Variants in SLC35D2 observed in about 807,000 individuals in gnomAD.
SLC35D2 encodes the protein solute carrier family 35 member D2.
Under a neutral mutation model 41.8 loss-of-function variants are expected in SLC35D2, and 43 were observed. That is an observed-to-expected ratio of 1.03 (90% CI 0.81 to 1.33). The LOEUF is 1.33. SLC35D2 is among the 40% of genes most tolerant of loss of function. The pLI, the probability that SLC35D2 is intolerant of heterozygous loss-of-function variation, is 0.00. For synonymous variants in SLC35D2, 150 were observed against 163.9 expected (o/e 0.92, Z 0.65); for missense variants, 380 against 408.4 (o/e 0.93, Z 0.60).
chr9:96,359,701 C>A (rs1419067803), intron 4 of SLC35D2, among the ~76,000 whole-genome samples: 4 of 151,656 alleles, frequency 2.6e-5, no homozygotes, highest in African/African-American at 7.3e-5. Context: ...AAAAAAAAGA[C>A]CCTGAAATAA....
intron 6 of SLC35D2, among the ~76,000 whole-genome samples, chr9:96,347,120 ACT>A (rs1829616023): frequency 1.3e-5 from 2 of 152,294 alleles, no homozygotes; most frequent in South Asian, 4.2e-4. Flanking sequence ...CAAGAGCGAA[ACT>A]CTGTCTCAAA....
intron 6 of SLC35D2, among the ~76,000 whole-genome samples, chr9:96,347,458 C>A (rs1039226649): frequency 6.6e-6 from 1 of 152,224 alleles, no homozygotes; most frequent in Non-Finnish European, 1.5e-5. Flanking sequence ...ATTCATGTAA[C>A]CCTTGCAGTT....
chr9:96,347,661 C>T (rs1325532650), intron 6 of SLC35D2, among the ~76,000 whole-genome samples: 2 of 151,960 alleles, frequency 1.3e-5, no homozygotes, highest in African/African-American at 2.4e-5. Context: ...TTGTCAGAGG[C>T]GTGTGAACCC....
intron 9 of SLC35D2, among the ~76,000 whole-genome samples, chr9:96,334,649 T>A (rs925217924): frequency 4.7e-4 from 71 of 151,196 alleles, no homozygotes; most frequent in African/African-American, 1.2e-3. Flanking sequence ...AAAAAAAAAA[T>A]TTTTTTTAAG....
At chr9:96,350,286 C>A (rs1010475067) in intron 6 of SLC35D2, among the ~76,000 whole-genome samples, 3 of 151,326 alleles carry the variant, frequency 2.0e-5, no homozygotes, top group African/African-American at 7.3e-5. Context: ...TCCTCTTTCC[C>A]CAGCCTCCTG....
At chr9:96,340,101 T>C (rs1282016685) in intron 8 of SLC35D2, among the ~76,000 whole-genome samples, 1 of 152,188 alleles carries the variant, frequency 6.6e-6, no homozygotes, top group Non-Finnish European at 1.5e-5. Flanking sequence ...TTCATTTCTT[T>C]CTCCTATTTG....
intron 6 of SLC35D2, among the ~76,000 whole-genome samples, chr9:96,349,745 C>G (rs1829733559): frequency 1.3e-5 from 2 of 152,140 alleles, no homozygotes; most frequent in African/African-American, 4.8e-5. Flanking sequence ...AGGCTGGTCT[C>G]TAACTCCTGA....
chr9:96,352,116 G>C lies in SLC35D2; in HGVS notation c.348-7C>G, dbSNP rs777698244. On this transcript the variant is annotated splice_polypyrimidine_tract_variant and splice_region_variant and intron_variant, in intron 4 of 11. Transcript: ENST00000253270. Reference sequence around the variant, plus strand: ...CACGGTGAACATCGGTAGGCTGCCAGGAAAAGAGTGAAGCATGTCAGACAC... The same window carrying C: ...CACGGTGAACATCGGTAGGCTGCCACGAAAAGAGTGAAGCATGTCAGACAC... The C allele has an allele frequency of 6.2e-7, 1 of 1,605,684 alleles. No individual in the cohort carries two copies. Among genetic ancestry groups the C allele is most frequent in the Non-Finnish European group, 8.5e-7 (1 of 1,173,754 alleles).
intron 9 of SLC35D2, among the ~76,000 whole-genome samples, chr9:96,330,186 C>T (rs1407773885): frequency 2.0e-5 from 3 of 152,222 alleles, no homozygotes; most frequent in Admixed American, 1.3e-4. Context: ...GGGATGGATT[C>T]GCCTCTGTAT....
intron 8 of SLC35D2, among the ~76,000 whole-genome samples, chr9:96,342,257 C>T (rs1182882580): frequency 6.6e-6 from 1 of 151,996 alleles, no homozygotes; most frequent in East Asian, 1.9e-4. Flanking sequence ...ATTACAGGCA[C>T]CCGCCACCAT....
intron 1 of SLC35D2, among the ~76,000 whole-genome samples, chr9:96,372,710 G>C (rs1211820563): frequency 2.7e-5 from 4 of 149,676 alleles, no homozygotes; most frequent in South Asian, 2.1e-4. Flanking sequence ...TCAGCCTCCG[G>C]AGTAGCTGGG....
chr9:96,337,959 T>C (rs7852321), intron 8 of SLC35D2, among the ~76,000 whole-genome samples: 50,205 of 107,894 alleles, frequency 0.47, 9,604 homozygotes, highest in African/African-American at 0.59. Flanking sequence ...TCAGCCTGGG[T>C]AACAAAAGCA....
chr9:96,383,241 G>A (rs1285878070), intron 1 of SLC35D2, among the ~76,000 whole-genome samples: 1 of 152,184 alleles, frequency 6.6e-6, no homozygotes, highest in Admixed American at 6.5e-5. Flanking sequence ...CCTAGGACAG[G>A]GCGCCTCGCA....
At position 96,343,987 on chromosome 9, in the gene SLC35D2, T is replaced by C. The variant is rs1260620606; in HGVS notation, c.601A>G (p.Lys201Glu). 2 of 1,585,532 alleles carry C rather than the reference T, an allele frequency of 1.3e-6. No individual in the cohort carries two copies. The highest frequency in any genetic ancestry group is 8.5e-7 in the Non-Finnish European group (1 of 1,170,036). Residue 201 changes from lysine to glutamate, a missense_variant, in exon 8 of 12, where the codon AAA becomes GAA. Coordinates refer to ENST00000253270, the MANE Select transcript of SLC35D2 (RefSeq NM_007001.3). ...GCATTGTAGAAAAGTACTCCGTATT[T>C]CCCTAGCTCCTGCAAAAACAAAAAT... ...KQKMDPKELG[K>E]YGVLFYNACF...
intron 8 of SLC35D2, among the ~76,000 whole-genome samples, chr9:96,340,890 G>A (rs917848903): frequency 6.6e-6 from 1 of 152,100 alleles, no homozygotes; most frequent in Non-Finnish European, 1.5e-5. Flanking sequence ...AATCTTTGAA[G>A]TCTGATCAAA....
downstream of SLC35D2, among the ~76,000 whole-genome samples, chr9:96,320,106 C>T (rs544808212): frequency 2.1e-4 from 32 of 152,330 alleles, no homozygotes; most frequent in South Asian, 4.1e-4. Context: ...GGGCCTCCTT[C>T]CCATACACCA....
intron 4 of SLC35D2, among the ~76,000 whole-genome samples, chr9:96,352,415 G>A (rs774264960): frequency 1.3e-5 from 2 of 151,862 alleles, no homozygotes; most frequent in Non-Finnish European, 1.5e-5. Flanking sequence ...TCTGCCTCCC[G>A]GGTTCAAGCG....
chr9:96,336,880 C>A, intron 8 of SLC35D2, 96 bp from the exon 9 acceptor site: 1 of 711,038 alleles, frequency 1.4e-6, no homozygotes, highest in Non-Finnish European at 2.4e-6. Context: ...CAGGAACCAT[C>A]TTCCCAAACA....
chr9:96,344,276 G>GT (rs1448687384), intron 7 of SLC35D2, among the ~76,000 whole-genome samples: 2 of 151,560 alleles, frequency 1.3e-5, no homozygotes, highest in South Asian at 2.1e-4. Flanking sequence ...ATTATGTGGG[G>GT]TTTTTTTTAA....
Sources: allele counts gnomAD v4.1 joint callset (sites outside exome capture counted in the v4.1 genomes callset), GRCh38; gene constraint gnomAD v4.1.1; transcripts MANE v1.5; gene names NCBI Gene and HGNC (gene_info 2026-07-23, HGNC 2026-07-21).